Variants in PLEKHA7 observed in about 807,000 individuals in gnomAD.
PLEKHA7 encodes pleckstrin homology domain-containing family A member 7.
In PLEKHA7, 104 loss-of-function variants were observed where a neutral mutation model predicts 170.0. The ratio of observed to expected loss-of-function variants is 0.61; its 90% CI spans 0.52 to 0.72. PLEKHA7 has a LOEUF of 0.72. PLEKHA7 is among the 30% of genes least tolerant of loss of function. The probability of loss-of-function intolerance (pLI) is 0.00; values close to 1 mark genes in which losing one functional copy is unlikely to be tolerated. For synonymous variants in PLEKHA7, 648 were observed against 660.8 expected, an observed-to-expected ratio of 0.98 and a Z score of 0.30; for missense variants, 1,615 against 1,671.7, an observed-to-expected ratio of 0.97 and a Z score of 0.59.
Position 16,782,761 on chromosome 11 carries a change from C to T in PLEKHA7, c.3786G>A (p.Gln1262=). The change falls in exon 26 of 27, where the codon CAG becomes CAA. Residue 1262 remains glutamine, a synonymous_variant. Coordinates refer to ENST00000531066, the MANE Select transcript of PLEKHA7 (RefSeq NM_001329630.2). ...LASEASQRSK[Q]VAAQAVTDP Reference sequence around the variant, plus strand: ...GCTGGGCCATGGCCTTACCTGCCACCTGCTTGCTACGCTGGGAGGCCTCGG... The same window carrying T: ...GCTGGGCCATGGCCTTACCTGCCACTTGCTTGCTACGCTGGGAGGCCTCGG... The T allele has an allele frequency of 6.5e-7, 1 of 1,536,090 alleles. No individual in the cohort carries two copies. The highest frequency in any genetic ancestry group is 2.0e-5 in the Admixed American group (1 of 50,998).
At chr11:16,908,578 C>T (rs1858027252) in intron 3 of PLEKHA7, among the ~76,000 whole-genome samples, 1 of 151,982 alleles carries the variant, frequency 6.6e-6, no homozygotes. Context: ...TCACTGAAAC[C>T]TCTGCTTCTG....
rs572391296 is a variant in PLEKHA7, at chr11:16,927,337, C to T, written c.222-56155G>A. Among the ~76,000 whole-genome samples, 53 of 152,224 alleles carry T rather than the reference C, an allele frequency of 3.5e-4. 2 individuals are homozygous for T. In the South Asian group the frequency reaches 6.4e-3, roughly 18 times the overall value. ...AAATCAAAAATTATAATAGTGAATA[C>T]GCTTTTTAAAACTATATATGCCCTT... On this transcript the variant is annotated intron_variant, in intron 3 of 26. Coordinates refer to ENST00000531066, the MANE Select transcript of PLEKHA7 (RefSeq NM_001329630.2).
chr11:16,942,405 G>A (rs1860754835), intron 3 of PLEKHA7, among the ~76,000 whole-genome samples: 1 of 152,182 alleles, frequency 6.6e-6, no homozygotes, highest in African/African-American at 2.4e-5. Context: ...CTGTGAAGTA[G>A]ACATTGGGGC....
chr11:16,961,652 G>A (rs1488365566), intron 3 of PLEKHA7, among the ~76,000 whole-genome samples: 1 of 152,192 alleles, frequency 6.6e-6, no homozygotes, highest in African/African-American at 2.4e-5. Flanking sequence ...ACACACCCTG[G>A]CATCATCAAA....
rs185006030 is a variant in PLEKHA7 at position 16,951,174 on chromosome 11, C to T, written c.221+62815G>A. On this transcript the variant is annotated intron_variant, in intron 3 of 26. Transcript: ENST00000531066. The stretch of plus-strand genomic sequence containing the variant: ...ACAAAAACAAAGCCTGGTAGCATTA[C>T]GTATCTTACCCAGTGTTACACAGCT... Among the ~76,000 whole-genome samples, 408 of 152,298 alleles carry T rather than the reference C, an allele frequency of 2.7e-3. 1 individual carries two copies. Among genetic ancestry groups the T allele is most frequent in the Admixed American group, 5.4e-3 (83 of 15,300 alleles).
chr11:16,956,481 T>C (rs964764315), intron 3 of PLEKHA7, among the ~76,000 whole-genome samples: 3 of 152,224 alleles, frequency 2.0e-5, no homozygotes, highest in Non-Finnish European at 2.9e-5. Context: ...ACAGCAAAGA[T>C]AGACTCTCAG....
chr11:16,818,788 TTTC>T (rs900076412), intron 10 of PLEKHA7, among the ~76,000 whole-genome samples: 10 of 46,772 alleles, frequency 2.1e-4, no homozygotes, highest in East Asian at 1.8e-3. Context: ...TCTTATTTTC[TTTC>T]TTTTTTTTTT....
At chr11:17,005,348 A>G (rs1444964315) in intron 3 of PLEKHA7, among the ~76,000 whole-genome samples, 2 of 152,168 alleles carry the variant, frequency 1.3e-5, no homozygotes, top group Admixed American at 6.6e-5. Flanking sequence ...CCTGGCCAAC[A>G]TGGTGAAACC....
intron 4 of PLEKHA7, among the ~76,000 whole-genome samples, chr11:16,870,641 C>T (rs1324823164): frequency 2.8e-4 from 31 of 110,774 alleles, no homozygotes; most frequent in Non-Finnish European, 3.7e-4. Flanking sequence ...GACCCTGCCT[C>T]AAAAAAAAAA....
intron 3 of PLEKHA7, among the ~76,000 whole-genome samples, chr11:16,948,696 C>T (rs976488764): frequency 3.3e-5 from 5 of 152,070 alleles, no homozygotes; most frequent in Non-Finnish European, 1.5e-5. Context: ...GCTTCTCTTG[C>T]AAGTTCACAG....
intron 4 of PLEKHA7, among the ~76,000 whole-genome samples, chr11:16,859,148 G>A (rs1380128465): frequency 1.3e-5 from 2 of 152,204 alleles, no homozygotes; most frequent in African/African-American, 4.8e-5. Context: ...CCCATGAGCA[G>A]GGACAGCTCC....
At chr11:16,781,367 T>C (rs1849009163) in intron 26 of PLEKHA7, among the ~76,000 whole-genome samples, 1 of 152,078 alleles carries the variant, frequency 6.6e-6, no homozygotes, top group Non-Finnish European at 1.5e-5. Context: ...GGAGCGCTCA[T>C]CTGCTGGCAA....
chr11:16,894,917 C>T (rs1344681414), intron 3 of PLEKHA7, among the ~76,000 whole-genome samples: 1 of 152,152 alleles, frequency 6.6e-6, no homozygotes, highest in Non-Finnish European at 1.5e-5. Context: ...GGCATTATCT[C>T]ATATCGTATT....
chr11:16,955,854 T>G (rs1861667802), intron 3 of PLEKHA7, among the ~76,000 whole-genome samples: 1 of 152,182 alleles, frequency 6.6e-6, no homozygotes, highest in Non-Finnish European at 1.5e-5. Context: ...GTTAGAGACC[T>G]GGTTATCTAG....
chr11:16,961,449 C>G (rs1862053417), intron 3 of PLEKHA7, among the ~76,000 whole-genome samples: 2 of 152,240 alleles, frequency 1.3e-5, no homozygotes, highest in South Asian at 4.1e-4. Flanking sequence ...CAGCTTCCAG[C>G]CAGGCAGCCA....
chr11:16,908,708 A>ATATTC (rs1339909080), intron 3 of PLEKHA7, among the ~76,000 whole-genome samples: 1 of 152,036 alleles, frequency 6.6e-6, no homozygotes, highest in Non-Finnish European at 1.5e-5. Flanking sequence ...GTTGGCCAGA[A>ATATTC]TGGTCTCAAA....
At chr11:17,013,750 G>A (rs1865469444) in intron 3 of PLEKHA7, among the ~76,000 whole-genome samples, 1 of 152,198 alleles carries the variant, frequency 6.6e-6, no homozygotes, top group Admixed American at 6.5e-5. Flanking sequence ...CCAGGGCGCA[G>A]AGTCTGCGGC....
intron 3 of PLEKHA7, among the ~76,000 whole-genome samples, chr11:16,881,879 C>A (rs371303): frequency 0.77 from 117,398 of 152,078 alleles, 47,030 homozygotes; most frequent in Non-Finnish European, 0.9. Flanking sequence ...TGATTCTTTC[C>A]TCAATGCTTG....
At chr11:16,857,771 C>T (rs959650214) in intron 4 of PLEKHA7, among the ~76,000 whole-genome samples, 3 of 152,320 alleles carry the variant, frequency 2.0e-5, no homozygotes, top group South Asian at 2.1e-4. Flanking sequence ...CGGGCTGGAG[C>T]GCAGTGGCGC....
Sources: gnomAD v4.1 joint callset for allele counts (sites outside exome capture counted in the v4.1 genomes callset) on GRCh38, gnomAD v4.1.1 for gene constraint, MANE v1.5 for transcripts, NCBI Gene and HGNC (gene_info 2026-07-23, HGNC 2026-07-21) for gene names.